The following STK3 variants were observed in gnomAD, a reference collection of about 807,000 sequenced individuals.
STK3 encodes the protein serine/threonine kinase 3.
In STK3, 41 loss-of-function variants were observed where a neutral mutation model predicts 58.0. The ratio of observed to expected loss-of-function variants is 0.71; its 90% CI spans 0.55 to 0.92. STK3 has a LOEUF of 0.92. STK3 is among the 40% of genes least tolerant of loss of function. The pLI is 0.00. For synonymous variants in STK3, 170 were observed against 191.0 expected (o/e 0.89, Z 0.91); for missense variants, 479 against 602.7 (o/e 0.79, Z 2.15).
At chr8:98,816,786 G>A (rs1045513146) in intron 1 of STK3, among the ~76,000 whole-genome samples, 6 of 152,006 alleles carry the variant, frequency 3.9e-5, no homozygotes, top group East Asian at 1.9e-4. Flanking sequence ...TACCCACCTC[G>A]GCCTCCCACA....
At chr8:98,730,740 A>C (rs1356103771) in intron 4 of STK3, among the ~76,000 whole-genome samples, 5 of 141,360 alleles carry the variant, frequency 3.5e-5, no homozygotes, top group Non-Finnish European at 7.7e-5. Context: ...AAAAAAAAAC[A>C]CCTGTGTGGT....
intron 3 of STK3, among the ~76,000 whole-genome samples, chr8:98,758,970 G>T (rs1268159534): frequency 6.6e-6 from 1 of 152,206 alleles, no homozygotes; most frequent in African/African-American, 2.4e-5. Context: ...TCGAGATTAG[G>T]CTTTGGCTTA....
the STK3 span, among the ~76,000 whole-genome samples, chr8:98,362,949 A>C: frequency 6.6e-6 from 1 of 152,232 alleles, no homozygotes; most frequent in African/African-American, 2.4e-5. Flanking sequence ...GACAAGAGTT[A>C]GTGATCTGTT....
intron 3 of STK3, among the ~76,000 whole-genome samples, chr8:98,750,693 T>A (rs912307499): frequency 1.3e-5 from 2 of 151,594 alleles, no homozygotes; most frequent in African/African-American, 4.8e-5. Flanking sequence ...GCTGGTACCA[T>A]CCCTGCTGAA....
chr8:98,497,842 A>T (rs760860268), intron 10 of STK3, among the ~76,000 whole-genome samples: 2 of 152,194 alleles, frequency 1.3e-5, no homozygotes, highest in Non-Finnish European at 2.9e-5. Flanking sequence ...TACACTGCTG[A>T]CAGGAATGTA....
chr8:98,717,487 T>A (rs768716796), intron 4 of STK3, among the ~76,000 whole-genome samples: 1 of 152,156 alleles, frequency 6.6e-6, no homozygotes, highest in Non-Finnish European at 1.5e-5. Context: ...TCACACCCAT[T>A]ATGACGGCTA....
At position 98,455,650 on chromosome 8, in the gene STK3, A is replaced by T; in HGVS notation, c.*192T>A. 1.6e-6 allele frequency: 1 copy of T among 614,276 alleles called. No individual in the cohort carries two copies. Among genetic ancestry groups the T allele is most frequent in the Admixed American group, 3.0e-5 (1 of 33,158 alleles). The allele number at this position is 614,276 out of a possible 1,614,324, so 38.1% of individuals were successfully genotyped here. ...ACACTTCTTTTGTTCTCCTCATCTT[A>T]GAGTGAATGCACAGCAGATACAACT... On this transcript the variant is annotated 3_prime_UTR_variant, in exon 11 of 11. Transcript: ENST00000419617.
chr8:98,367,934 C>T (rs767379256), downstream of STK3, among the ~76,000 whole-genome samples: 16 of 152,320 alleles, frequency 1.1e-4, no homozygotes, highest in Non-Finnish European at 1.6e-4. Flanking sequence ...TGAACTTGCA[C>T]GCTGATTGTA....
intron 1 of STK3, among the ~76,000 whole-genome samples, chr8:98,781,140 GAGA>G (rs1832060110): frequency 6.6e-6 from 1 of 152,184 alleles, no homozygotes; most frequent in South Asian, 2.1e-4. Flanking sequence ...AGGTCCCCAA[GAGA>G]AGGAGAAGAA....
At chr8:98,929,310 C>T (rs1252682205) in intron 1 of STK3, among the ~76,000 whole-genome samples, 2 of 152,060 alleles carry the variant, frequency 1.3e-5, no homozygotes, top group African/African-American at 4.8e-5. Context: ...GAAACTAAGG[C>T]AAATGAATGC....
chr8:98,493,275 C>A (rs1184676978), intron 10 of STK3, among the ~76,000 whole-genome samples: 1 of 151,086 alleles, frequency 6.6e-6, no homozygotes, highest in Non-Finnish European at 1.5e-5. Context: ...TATCTAAAAG[C>A]AATATAAAAT....
exon 4 of STK3, chr8:98,401,446 T>C (rs1346884105): frequency 6.6e-6 from 1 of 152,200 alleles, no homozygotes; most frequent in African/African-American, 2.4e-5. Context: ...CAGAGACAAT[T>C]TGGCTCAAGC....
intron 10 of STK3, among the ~76,000 whole-genome samples, chr8:98,515,824 G>A (rs1449036069): frequency 6.6e-6 from 1 of 151,332 alleles, no homozygotes; most frequent in Non-Finnish European, 1.5e-5. Flanking sequence ...TAAGTTTTAG[G>A]GTACATGTGC....
chr8:98,830,742 G>A (rs963797337), intron 3 of STK3, among the ~76,000 whole-genome samples: 8 of 151,986 alleles, frequency 5.3e-5, no homozygotes, highest in Non-Finnish European at 7.4e-5. Flanking sequence ...AGGCCGAGGC[G>A]GGCAGATCAC....
chr8:98,768,081 C>T (rs543975653), intron 2 of STK3, among the ~76,000 whole-genome samples: 2 of 152,142 alleles, frequency 1.3e-5, no homozygotes, highest in Admixed American at 1.3e-4. Context: ...AAGGAAGAAG[C>T]CATTTGTACC....
intron 3 of STK3, among the ~76,000 whole-genome samples, chr8:98,854,304 A>G (rs2131836672): frequency 6.6e-6 from 1 of 152,044 alleles, no homozygotes; most frequent in South Asian, 2.1e-4. Context: ...ATGTCCAGCT[A>G]ATTTTTATAT....
downstream of STK3, among the ~76,000 whole-genome samples, chr8:98,368,966 T>C (rs988662066): frequency 3.9e-5 from 6 of 152,204 alleles, no homozygotes; most frequent in East Asian, 1.9e-4. Context: ...CTGAGATCCC[T>C]GGAAATGAGG....
rs1835219791 is a variant in STK3, at chr8:98,825,658, A to C, written c.-118T>G. On this transcript the variant is annotated 5_prime_UTR_variant, in exon 1 of 11. Coordinates refer to ENST00000419617, the MANE Select transcript of STK3 (RefSeq NM_006281.4). ...ACAGAGGGAAACTCTGGGAACTCGG[A>C]CCAACTTTCCCGTAACTCCGCGGCG... 5.1e-6 allele frequency: 6 copies of C among 1,187,294 alleles called. No homozygotes were observed. Among genetic ancestry groups the C allele is most frequent in the South Asian group, 3.2e-5 (1 of 31,664 alleles). 73.5% of individuals were successfully genotyped at this position (1,187,294 alleles called of 1,614,324 possible).
At chr8:98,697,532 T>C (rs1825083453) in intron 6 of STK3, among the ~76,000 whole-genome samples, 1 of 152,240 alleles carries the variant, frequency 6.6e-6, no homozygotes, top group Non-Finnish European at 1.5e-5. Flanking sequence ...GCTTTGAATG[T>C]GTCCCAGAGA....
Sources: gnomAD v4.1 joint callset for allele counts (sites outside exome capture counted in the v4.1 genomes callset) on GRCh38, gnomAD v4.1.1 for gene constraint, MANE v1.5 for transcripts, NCBI Gene and HGNC (gene_info 2026-07-23, HGNC 2026-07-21) for gene names.